The following CDS2 variants were observed in gnomAD, a reference collection of about 807,000 sequenced individuals.
CDS2 encodes phosphatidate cytidylyltransferase 2.
CDS2 carries 47 observed loss-of-function variants against 59.0 expected under a neutral mutation model. That is an observed-to-expected ratio of 0.80 (90% CI 0.63 to 1.02). The LOEUF (loss-of-function observed/expected upper bound fraction) is 1.02. CDS2 is among the 50% of genes least tolerant of loss of function. CDS2 has a pLI of 0.00. For synonymous variants in CDS2, 207 were observed against 206.4 expected (o/e 1.00, Z -0.02); for missense variants, 356 against 558.9 (o/e 0.64, Z 3.66).
Position 5,184,958 on chromosome 20 carries a change from C to T in CDS2, c.759+13C>T, listed in dbSNP as rs370921980. 69 of 1,588,232 alleles carry T rather than the reference C, an allele frequency of 4.3e-5. No homozygotes were observed. In the African/African-American group the frequency reaches 8.5e-4, roughly 19 times the overall value. ...CCCACTCATCAAGGTAAATGGATTACCCTAATGTGAAATACCACTGTGAGG... is the reference window on the plus strand; with the variant it reads ...CCCACTCATCAAGGTAAATGGATTATCCTAATGTGAAATACCACTGTGAGG... On this transcript the variant is annotated intron_variant, in intron 8 of 12. Coordinates refer to ENST00000460006, the MANE Select transcript of CDS2 (RefSeq NM_003818.4). The surrounding 1 kb of genome is among the most constrained non-coding windows in gnomAD (Gnocchi z 4.3).
At chr20:5,144,989 C>A (rs2078572865) in intron 1 of CDS2, among the ~76,000 whole-genome samples, 2 of 152,110 alleles carry the variant, frequency 1.3e-5, no homozygotes, top group African/African-American at 4.8e-5. Flanking sequence ...AGTGACTGTG[C>A]ACCAAAGGGT....
chr20:5,162,984 C>T (rs1355059911), intron 1 of CDS2, among the ~76,000 whole-genome samples: 1 of 152,140 alleles, frequency 6.6e-6, no homozygotes, highest in African/African-American at 2.4e-5. Context: ...ACTTTAGTCT[C>T]CAGAGCCTAG....
chr20:5,160,469 A>G (rs1375364321), intron 1 of CDS2, among the ~76,000 whole-genome samples: 1 of 152,182 alleles, frequency 6.6e-6, no homozygotes, highest in Non-Finnish European at 1.5e-5. Flanking sequence ...GGGTGGATAC[A>G]GCTGTTAGAC....
intron 1 of CDS2, among the ~76,000 whole-genome samples, chr20:5,138,172 G>A (rs1325765472): frequency 6.1e-5 from 9 of 148,550 alleles, no homozygotes; most frequent in Admixed American, 5.4e-4. Context: ...GGCTGGTCTC[G>A]AACTCCTGGC....
At chr20:5,141,085 C>T (rs1195793936) in intron 1 of CDS2, among the ~76,000 whole-genome samples, 3 of 152,214 alleles carry the variant, frequency 2.0e-5, no homozygotes, top group Non-Finnish European at 4.4e-5. Flanking sequence ...CCCCTTTCTC[C>T]TGCTCCTTTC....
At chr20:5,171,380 G>A (rs184053732) in intron 1 of CDS2, among the ~76,000 whole-genome samples, 2 of 152,316 alleles carry the variant, frequency 1.3e-5, no homozygotes, top group African/African-American at 4.8e-5. Flanking sequence ...GCTCTGGAGC[G>A]CAGTCCCTGC....
intron 5 of CDS2, among the ~76,000 whole-genome samples, chr20:5,179,885 A>C (rs2091021108): frequency 6.6e-6 from 1 of 152,264 alleles, no homozygotes; most frequent in Admixed American, 6.5e-5. Flanking sequence ...CTTCAAAGCT[A>C]GTTTGAGGTG....
chr20:5,150,745 T>TG (rs1038789338), intron 1 of CDS2, among the ~76,000 whole-genome samples: 26 of 152,220 alleles, frequency 1.7e-4, no homozygotes, highest in Non-Finnish European at 3.5e-4. Flanking sequence ...TCCTCATCTC[T>TG]GTCTCCTCTC....
Position 5,197,754 on chromosome 20 carries a change from T to C in CDS2, c.*7520T>C, listed in dbSNP as rs2091169585. The C allele has an allele frequency of 6.6e-6, 1 of 152,272 alleles. No individual in the cohort carries two copies. Among genetic ancestry groups the C allele is most frequent in the South Asian group, 2.1e-4 (1 of 4,830 alleles). 9.4% of individuals were successfully genotyped at this position (152,272 alleles called of 1,614,324 possible). On this transcript the variant is annotated 3_prime_UTR_variant, in exon 13 of 13. Coordinates refer to ENST00000460006, the MANE Select transcript of CDS2 (RefSeq NM_003818.4). ...GATCTCTCTCTCTGTGCACTCGTGA[T>C]CCATGTTGAACAATACATGTAGGTT... is the stretch of plus-strand genomic sequence containing the variant.
chr20:5,152,920 G>C (rs1284211389), intron 1 of CDS2, among the ~76,000 whole-genome samples: 1 of 152,196 alleles, frequency 6.6e-6, no homozygotes, highest in Admixed American at 6.5e-5. Flanking sequence ...ATGCCATTTA[G>C]TATGCATTTG....
rs1313021166 is a variant in CDS2 at position 5,173,406 on chromosome 20, A to G, written c.58-117A>G. On this transcript the variant is annotated intron_variant, in intron 1 of 12. Transcript: ENST00000460006. ...GTCAGTCCCATCACCTGACTGTGCC[A>G]GGTTCTTAGGCCCTGTTTGGAGTCT... 2.6e-6 allele frequency: 3 copies of G among 1,147,722 alleles called. No homozygotes were observed. In the East Asian group the frequency reaches 7.1e-5, roughly 27 times the overall value. 71.1% of individuals were successfully genotyped at this position (1,147,722 alleles called of 1,614,324 possible). A position where few individuals can be genotyped will look rare whatever the true frequency, so the allele number is the denominator to read the frequency against.
chr20:5,150,156 G>A lies in CDS2; in HGVS notation c.57+23007G>A, dbSNP rs555351264. ...AAAACGATCCATTTTTCAAAGTGCT[G>A]CCACTGTGATAACTGAGGAGGGCTT... On this transcript the variant is annotated intron_variant, in intron 1 of 12. Transcript: ENST00000460006. Among the ~76,000 whole-genome samples, 36 of 152,304 alleles carry A rather than the reference G, an allele frequency of 2.4e-4. 1 individual carries two copies. In the South Asian group the frequency reaches 7.0e-3, roughly 30 times the overall value.
chr20:5,197,550 T>G lies in CDS2; in HGVS notation c.*7316T>G, dbSNP rs973150868. On this transcript the variant is annotated 3_prime_UTR_variant, in exon 13 of 13. Transcript: ENST00000460006. ...ATGGACATGATGGAATTCAGTTGTC[T>G]CACCCTGATAGCCTGGGTGTTGATA... The G allele has an allele frequency of 2.6e-5, 4 of 152,064 alleles. No individual in the cohort carries two copies. The highest frequency in any genetic ancestry group is 9.7e-5 in the African/African-American group (4 of 41,374). The allele number at this position is 152,064 out of a possible 1,614,324, so 9.4% of individuals were successfully genotyped here.
intron 4 of CDS2, among the ~76,000 whole-genome samples, chr20:5,177,005 C>A (rs1041773709): frequency 6.6e-6 from 1 of 152,144 alleles, no homozygotes; most frequent in Non-Finnish European, 1.5e-5. Flanking sequence ...TTGCCACAGA[C>A]TCGCACAGTG....
intron 1 of CDS2, among the ~76,000 whole-genome samples, chr20:5,137,139 T>C (rs2090655455): frequency 6.6e-6 from 1 of 151,898 alleles, no homozygotes. Flanking sequence ...TAGCCTTCTC[T>C]CTTAACTGGC....
In CDS2 at chr20:5,175,222, C is replaced by T; in HGVS notation, c.234C>T (p.Ala78=). The T allele has an allele frequency of 6.2e-7, 1 of 1,614,100 alleles. No homozygotes were observed. The highest frequency in any genetic ancestry group is 8.5e-7 in the Non-Finnish European group (1 of 1,179,982). ...NWWVRGILTL[A]MIAFFFIIIY... ...GGGTGAGAGGCATCCTGACTTTGGCCATGATTGCATTTTTCTTCATCATCA... is the reference window on the plus strand; with the variant it reads ...GGGTGAGAGGCATCCTGACTTTGGCTATGATTGCATTTTTCTTCATCATCA... The change falls in exon 3 of 13, where the codon GCC becomes GCT. Residue 78 remains alanine, a synonymous_variant. Coordinates refer to ENST00000460006, the MANE Select transcript of CDS2 (RefSeq NM_003818.4).
At chr20:5,155,648 G>A (rs2090827748) in intron 1 of CDS2, among the ~76,000 whole-genome samples, 1 of 152,096 alleles carries the variant, frequency 6.6e-6, no homozygotes, top group Non-Finnish European at 1.5e-5. Context: ...TATATTTAGG[G>A]CCCACATGGA....
chr20:5,136,914 G>A (rs2090653949), intron 1 of CDS2, among the ~76,000 whole-genome samples: 1 of 151,996 alleles, frequency 6.6e-6, no homozygotes. Context: ...AGTACTAGAT[G>A]GGTAGTTTTT....
chr20:5,164,837 C>T (rs938495459), intron 1 of CDS2, among the ~76,000 whole-genome samples: 1 of 152,160 alleles, frequency 6.6e-6, no homozygotes, highest in Admixed American at 6.5e-5. Flanking sequence ...GGCAGAGCCT[C>T]CTGGGGACCT....
Sources: allele counts gnomAD v4.1 joint callset (sites outside exome capture counted in the v4.1 genomes callset), GRCh38; gene constraint gnomAD v4.1.1; non-coding constraint Gnocchi (gnomAD v3.1); transcripts MANE v1.5; gene names NCBI Gene and HGNC (gene_info 2026-07-23, HGNC 2026-07-21).